Variants in ABTB3 observed in about 807,000 individuals in gnomAD.
ABTB3 encodes ankyrin repeat and BTB domain containing 3.
At chr12:107,592,741 T>C in the ABTB3 span, among the ~76,000 whole-genome samples, 2 of 152,212 alleles carry the variant, frequency 1.3e-5, no homozygotes, top group African/African-American at 2.4e-5. Flanking sequence ...TGCATAGGAA[T>C]GACAAATGTC....
At chr12:107,480,821 C>A in the ABTB3 span, among the ~76,000 whole-genome samples, 1 of 152,184 alleles carries the variant, frequency 6.6e-6, no homozygotes. Flanking sequence ...ACTGTAAAAC[C>A]TCAGGGGTCA....
the ABTB3 span, among the ~76,000 whole-genome samples, chr12:107,563,362 C>G: frequency 6.6e-6 from 1 of 152,180 alleles, no homozygotes; most frequent in Admixed American, 6.5e-5. Flanking sequence ...AAAGTACCAG[C>G]ACTGTTCGAA....
chr12:107,559,942 A>G, the ABTB3 span, among the ~76,000 whole-genome samples: 1 of 152,144 alleles, frequency 6.6e-6, no homozygotes, highest in South Asian at 2.1e-4. Context: ...AAAATTATTT[A>G]TAATTCTGCT....
At chr12:107,519,624 A>G in the ABTB3 span, among the ~76,000 whole-genome samples, 13 of 152,172 alleles carry the variant, frequency 8.5e-5, no homozygotes, top group African/African-American at 1.4e-4. Flanking sequence ...GGCCTAGGGC[A>G]TGTTTTTCTT....
At chr12:107,527,772 C>A in the ABTB3 span, among the ~76,000 whole-genome samples, 1 of 152,186 alleles carries the variant, frequency 6.6e-6, no homozygotes, top group African/African-American at 2.4e-5. Flanking sequence ...TCTCATTACC[C>A]TGTACCTAAT....
chr12:107,579,699 G>C, the ABTB3 span, among the ~76,000 whole-genome samples: 1 of 152,216 alleles, frequency 6.6e-6, no homozygotes, highest in Non-Finnish European at 1.5e-5. Context: ...TCAATGCCAT[G>C]GTGGCCATGC....
chr12:107,586,880 T>C, the ABTB3 span, among the ~76,000 whole-genome samples: 25 of 152,158 alleles, frequency 1.6e-4, no homozygotes, highest in African/African-American at 6.0e-4. Context: ...AGATCTAGGT[T>C]TGAGGGAGCA....
At chr12:107,513,301 T>C in the ABTB3 span, among the ~76,000 whole-genome samples, 5 of 152,170 alleles carry the variant, frequency 3.3e-5, no homozygotes, top group Non-Finnish European at 4.4e-5. Flanking sequence ...TTTGGCTCTG[T>C]GTCCCCACCC....
At chr12:107,565,094 G>T in the ABTB3 span, among the ~76,000 whole-genome samples, 1 of 152,212 alleles carries the variant, frequency 6.6e-6, no homozygotes, top group African/African-American at 2.4e-5. Flanking sequence ...GATATAGCAA[G>T]ACCGAGAGAG....
chr12:107,543,368 A>C, the ABTB3 span, among the ~76,000 whole-genome samples: 16 of 151,750 alleles, frequency 1.1e-4, no homozygotes, highest in African/African-American at 1.9e-4. Context: ...AGGAAAAAAA[A>C]CACGAAAAGT....
At chr12:107,649,411 T>C in the ABTB3 span, 52 of 799,698 alleles carry the variant, frequency 6.5e-5, no homozygotes, top group Non-Finnish European at 1.0e-4. Flanking sequence ...GACTTGGGGC[T>C]CTTGTTCCTT....
chr12:107,351,362 A>G, the ABTB3 span, among the ~76,000 whole-genome samples: 1 of 152,180 alleles, frequency 6.6e-6, no homozygotes, highest in Non-Finnish European at 1.5e-5. Context: ...GCACTTTGCC[A>G]TCAGACTTTC....
At chr12:107,387,830 T>TCCCATA in the ABTB3 span, among the ~76,000 whole-genome samples, 1 of 152,140 alleles carries the variant, frequency 6.6e-6, no homozygotes, top group Non-Finnish European at 1.5e-5. Context: ...TTAATGCAGG[T>TCCCATA]CCCATACAGG....
the ABTB3 span, among the ~76,000 whole-genome samples, chr12:107,584,379 A>T: frequency 6.6e-6 from 1 of 152,246 alleles, no homozygotes; most frequent in Non-Finnish European, 1.5e-5. Flanking sequence ...TATGGGACTT[A>T]TCCGAGGTCA....
chr12:107,560,243 A>G, the ABTB3 span, among the ~76,000 whole-genome samples: 6 of 152,190 alleles, frequency 3.9e-5, no homozygotes, highest in Non-Finnish European at 8.8e-5. Context: ...TTCTTTTAAA[A>G]CTACCCACAG....
the ABTB3 span, among the ~76,000 whole-genome samples, chr12:107,560,912 G>A: frequency 6.6e-6 from 1 of 152,160 alleles, no homozygotes; most frequent in African/African-American, 2.4e-5. Flanking sequence ...TTAAAATGTG[G>A]CTCTATCTTA....
the ABTB3 span, among the ~76,000 whole-genome samples, chr12:107,426,752 C>T: frequency 3.3e-5 from 5 of 152,106 alleles, no homozygotes; most frequent in African/African-American, 1.2e-4. Context: ...CCCTCTGCTG[C>T]CATCTGCCCG....
chr12:107,544,217 T>C, the ABTB3 span: 2 of 1,455,706 alleles, frequency 1.4e-6, no homozygotes, highest in Non-Finnish European at 1.9e-6. Flanking sequence ...ATGGGGAGGA[T>C]GATGGGGGTA....
the ABTB3 span, chr12:107,650,919 A>G: frequency 3.9e-5 from 6 of 152,224 alleles, no homozygotes; most frequent in Admixed American, 2.6e-4. Flanking sequence ...AATAATTTTA[A>G]CTAAAAATAA....
Sources: allele counts gnomAD v4.1 joint callset (sites outside exome capture counted in the v4.1 genomes callset), GRCh38; gene constraint gnomAD v4.1.1; transcripts MANE v1.5; gene names NCBI Gene and HGNC (gene_info 2026-07-23, HGNC 2026-07-21).